The following SH3BP4 variants were observed in gnomAD, a reference collection of about 807,000 sequenced individuals.
SH3BP4 encodes the protein SH3 domain-binding protein 4.
A neutral mutation model predicts 65.5 loss-of-function variants in SH3BP4; 33 were observed. The observed-to-expected ratio is 0.50, with a 90% CI of 0.38 to 0.67. The LOEUF is 0.67. SH3BP4 is among the 30% of genes least tolerant of loss of function. The probability of loss-of-function intolerance (pLI) is 0.00; values close to 1 mark genes in which losing one functional copy is unlikely to be tolerated. For synonymous variants in SH3BP4, 552 were observed against 545.5 expected (o/e 1.01, Z -0.17); for missense variants, 1,134 against 1,261.4 (o/e 0.90, Z 1.53).
intron 2 of SH3BP4, among the ~76,000 whole-genome samples, chr2:235,009,985 A>G (rs1559242484): frequency 6.6e-6 from 1 of 151,308 alleles, no homozygotes; most frequent in Non-Finnish European, 1.5e-5. Context: ...ATGCTCAGTC[A>G]CCTCCTTCTG....
At chr2:235,039,464 C>T (rs760105286) in intron 3 of SH3BP4, among the ~76,000 whole-genome samples, 1 of 147,178 alleles carries the variant, frequency 6.8e-6, no homozygotes, top group Non-Finnish European at 1.5e-5. Context: ...TTTCTTTGGT[C>T]ATTTGCTTTG....
chr2:234,998,692 T>A (rs1245256575), intron 2 of SH3BP4, among the ~76,000 whole-genome samples: 1 of 152,226 alleles, frequency 6.6e-6, no homozygotes, highest in Non-Finnish European at 1.5e-5. Context: ...AAGAGCACCC[T>A]GTACTCACTA....
intron 4 of SH3BP4, among the ~76,000 whole-genome samples, chr2:235,047,216 C>T (rs760729026): frequency 1.2e-4 from 18 of 152,128 alleles, no homozygotes; most frequent in East Asian, 7.7e-4. Flanking sequence ...TTCAATAAGC[C>T]GTAGGGGGAG....
In SH3BP4 at chr2:234,992,692, C is replaced by T. The variant is rs192088804; in HGVS notation, c.-206-2611C>T. 1.2e-4 allele frequency among the ~76,000 whole-genome samples: 16 copies of T among 134,532 alleles called. 1 individual carries two copies. The highest frequency in any genetic ancestry group is 5.9e-3 in the Middle Eastern group (1 of 170). The allele number at this position is 134,532 out of a possible 152,430, so 88.3% of individuals were successfully genotyped here. ...TGGGTCTGGAGACCCTGGAGATGGA[C>T]GCATTCCTGCTGCGTGGCTCTGGGT... On this transcript the variant is annotated intron_variant, in intron 1 of 5. Transcript: ENST00000392011.
intron 2 of SH3BP4, among the ~76,000 whole-genome samples, chr2:235,027,801 C>T (rs1456740729): frequency 6.6e-6 from 1 of 152,186 alleles, no homozygotes; most frequent in Non-Finnish European, 1.5e-5. Flanking sequence ...ACAGTCTGTG[C>T]GCTCAGCCTG....
intron 1 of SH3BP4, among the ~76,000 whole-genome samples, chr2:234,969,958 C>T (rs1447318259): frequency 7.3e-6 from 1 of 137,752 alleles, no homozygotes; most frequent in African/African-American, 3.4e-5. Context: ...CCCTGTCTCT[C>T]ACACACACAC....
At chr2:234,980,471 A>AG in intron 1 of SH3BP4, among the ~76,000 whole-genome samples, 1 of 152,278 alleles carries the variant, frequency 6.6e-6, no homozygotes, top group African/African-American at 2.4e-5. Context: ...ACTTGGGGTG[A>AG]GGGGGGACTG....
rs1371021678 is a variant in SH3BP4 at position 234,997,768 on chromosome 2, A to G, written c.-133+2392A>G. Among the ~76,000 whole-genome samples, 1 of 152,190 alleles carries G rather than the reference A, an allele frequency of 6.6e-6. No individual in the cohort carries two copies. Among genetic ancestry groups the G allele is most frequent in the Admixed American group, 6.5e-5 (1 of 15,286 alleles). On this transcript the variant is annotated intron_variant, in intron 2 of 5. Transcript: ENST00000392011. This position sits in a 1 kb window ranked among gnomAD's most constrained non-coding sequence, Gnocchi z 4.2. The stretch of plus-strand genomic sequence containing the variant: ...TGCCTGTTTCACAGATGAGAAACTC[A>G]TCTCAGAGTACTCAGAAACCCAGAA...
At chr2:234,988,919 T>G (rs1459531308) in intron 1 of SH3BP4, among the ~76,000 whole-genome samples, 1 of 152,234 alleles carries the variant, frequency 6.6e-6, no homozygotes, top group Non-Finnish European at 1.5e-5. Flanking sequence ...GAAGCAGTTC[T>G]GTGTTCTGCA....
Position 235,016,818 on chromosome 2 carries a change from A to G in SH3BP4, c.-132-18053A>G, listed in dbSNP as rs191873364. Among the ~76,000 whole-genome samples the G allele has an allele frequency of 4.2e-4, 64 of 151,942 alleles. No homozygotes were observed. In the East Asian group the frequency reaches 6.8e-3, roughly 16 times the overall value. On this transcript the variant is annotated intron_variant, in intron 2 of 5. Transcript: ENST00000392011. ...GCCACCTCAACTCATCTTTTCATTC[A>G]CCCTTCTATCTGTCTGTGCATCCAA...
At chr2:235,020,368 G>A (rs184500758) in intron 2 of SH3BP4, among the ~76,000 whole-genome samples, 77 of 152,190 alleles carry the variant, frequency 5.1e-4, no homozygotes, top group African/African-American at 1.7e-3. Context: ...GTGGTGGCGC[G>A]TGCCTGTAAT....
At chr2:235,012,735 G>A (rs542747142) in intron 2 of SH3BP4, among the ~76,000 whole-genome samples, 2 of 152,168 alleles carry the variant, frequency 1.3e-5, no homozygotes, top group Admixed American at 1.3e-4. Context: ...TTTCCATCTC[G>A]GAGTGCATTA....
intron 2 of SH3BP4, among the ~76,000 whole-genome samples, chr2:235,015,659 G>A (rs920358928): frequency 6.6e-6 from 1 of 152,210 alleles, no homozygotes; most frequent in Non-Finnish European, 1.5e-5. Context: ...GCGGGTAGAG[G>A]AAGGTTGGGA....
intron 1 of SH3BP4, among the ~76,000 whole-genome samples, chr2:234,981,272 G>A (rs1693374436): frequency 1.3e-5 from 2 of 152,256 alleles, no homozygotes; most frequent in South Asian, 2.1e-4. Flanking sequence ...CCTGTTTATC[G>A]CTCTTGCTTG....
chr2:235,042,167 G>A lies in SH3BP4; in HGVS notation c.1398G>A (p.Val466=), dbSNP rs781023270. 1 of 1,614,084 alleles carries A rather than the reference G, an allele frequency of 6.2e-7. No individual in the cohort carries two copies. Among genetic ancestry groups the A allele is most frequent in the South Asian group, 1.1e-5 (1 of 91,080 alleles). The part of the protein sequence containing the change: ...HGPSILYPST[V]WDFINKKVTV... The stretch of plus-strand genomic sequence containing the variant: ...CAAGCATCCTCTACCCTTCCACCGT[G>A]TGGGACTTCATCAATAAAAAAGTCA... Residue 466 remains valine (V), a synonymous_variant, in exon 4 of 6, where the codon GTG becomes GTA. Coordinates refer to ENST00000392011, the MANE Select transcript of SH3BP4 (RefSeq NM_014521.3). The surrounding 1 kb of genome is among the most constrained non-coding windows in gnomAD (Gnocchi z 7.3).
Position 235,033,608 on chromosome 2 carries a change from A to T in SH3BP4, c.-132-1263A>T, listed in dbSNP as rs1268540141. Among the ~76,000 whole-genome samples the T allele has an allele frequency of 6.6e-6, 1 of 152,180 alleles. No individual in the cohort carries two copies. The highest frequency in any genetic ancestry group is 1.5e-5 in the Non-Finnish European group (1 of 68,020). On this transcript the variant is annotated intron_variant, in intron 2 of 5. Transcript: ENST00000392011. This position sits in a 1 kb window ranked among gnomAD's most constrained non-coding sequence, Gnocchi z 5.7. ...CTGGGAGCTGGGATTGCAGCTTCTG[A>T]TGCAGTGGTGACAGTGGCTGAGACT... is the stretch of plus-strand genomic sequence containing the variant.
rs1692495782 is a variant in SH3BP4 at position 234,952,520 on chromosome 2, G to A, written c.-207+350G>A. On this transcript the variant is annotated intron_variant, in intron 1 of 5. Transcript: ENST00000392011. The surrounding 1 kb of genome is among the most constrained non-coding windows in gnomAD (Gnocchi z 6.5). ...ACTTCCCGGCGGGCGGCCCTGCGGG[G>A]TGGCCTCCCTGGGCAACCGGACGCG... Among the ~76,000 whole-genome samples, 1 of 151,522 alleles carries A rather than the reference G, an allele frequency of 6.6e-6. No individual in the cohort carries two copies. The highest frequency in any genetic ancestry group is 1.5e-5 in the Non-Finnish European group (1 of 67,810).
At chr2:235,048,709 G>C (rs908078649) in intron 4 of SH3BP4, among the ~76,000 whole-genome samples, 5 of 152,226 alleles carry the variant, frequency 3.3e-5, no homozygotes, top group Non-Finnish European at 5.9e-5. Flanking sequence ...ATGGCGTTTT[G>C]TTGGAACTCA....
chr2:235,037,855 G>T (rs1010627344), intron 3 of SH3BP4, among the ~76,000 whole-genome samples: 9 of 151,944 alleles, frequency 5.9e-5, no homozygotes, highest in Non-Finnish European at 1.2e-4. Flanking sequence ...TTCTTTCACA[G>T]GTTTTGGTTC....
Sources: allele counts gnomAD v4.1 joint callset (sites outside exome capture counted in the v4.1 genomes callset), GRCh38; gene constraint gnomAD v4.1.1; non-coding constraint Gnocchi (gnomAD v3.1); transcripts MANE v1.5; gene names NCBI Gene and HGNC (gene_info 2026-07-23, HGNC 2026-07-21).